Variants in WDR33 observed in about 807,000 individuals in gnomAD.
WDR33 encodes the protein pre-mRNA 3' end processing protein WDR33.
A neutral mutation model predicts 164.9 loss-of-function variants in WDR33; 47 were observed. The ratio of observed to expected loss-of-function variants is 0.29; its 90% CI spans 0.23 to 0.36. The LOEUF (loss-of-function observed/expected upper bound fraction) is 0.36, where lower values mean the gene tolerates loss of function less well. Ranked by LOEUF, WDR33 falls within the 10% of genes least tolerant of loss-of-function variation. The pLI is 1.00. For missense variants in WDR33, 1,137 were observed against 1,754.1 expected, an observed-to-expected ratio of 0.65 and a Z score of 6.28; for synonymous variants, 505 against 589.0, an observed-to-expected ratio of 0.86 and a Z score of 2.06.
chr2:127,749,661 C>CAA (rs1212240477), intron 7 of WDR33, among the ~76,000 whole-genome samples: 15 of 81,004 alleles, frequency 1.9e-4, no homozygotes, highest in African/African-American at 4.4e-4. Context: ...GACTCCACCT[C>CAA]AAAAAAAAAA....
intron 1 of WDR33, among the ~76,000 whole-genome samples, chr2:127,772,057 G>C (rs984241405): frequency 3.9e-5 from 6 of 151,962 alleles, no homozygotes; most frequent in African/African-American, 1.5e-4. Flanking sequence ...TCAGACTCTT[G>C]GGCTCAAGAG....
intron 8 of WDR33, among the ~76,000 whole-genome samples, chr2:127,725,735 AAATAATAAT>A (rs56352036): frequency 0.17 from 24,299 of 140,968 alleles, 2,178 homozygotes; most frequent in South Asian, 0.3. Context: ...CTCTGTCTCA[AAATAATAAT>A]AATAATAATA....
rs1046218278 is a variant in WDR33, at chr2:127,720,286, G to A, written c.1739C>T (p.Thr580Ile). ...EQIQPPPSSG[T>I]PLLGPQPFPG... The stretch of plus-strand genomic sequence containing the variant: ...AAAAGGCTGGGGTCCGAGGAGAGGG[G>A]TGCCAGATGAGGGAGGAGGCTGAAT... The change falls in exon 16 of 22, where the codon ACC becomes ATC. Residue 580 changes from threonine (T) to isoleucine (I), a missense_variant. Around this residue, in one of 9 missense-constraint regions of WDR33, gnomAD observed 867 missense variants for 1,073.0 expected, o/e 0.81. Coordinates refer to ENST00000322313, the MANE Select transcript of WDR33 (RefSeq NM_018383.5). This position sits in a 1 kb window ranked among gnomAD's most constrained non-coding sequence, Gnocchi z 5.9. 4 of 1,524,374 alleles carry A rather than the reference G, an allele frequency of 2.6e-6. No individual in the cohort carries two copies. In the African/African-American group the frequency reaches 5.6e-5, roughly 21 times the overall value. 94.4% of individuals were successfully genotyped at this position (1,524,374 alleles called of 1,614,324 possible).
rs556929386 is a variant in WDR33 at position 127,749,566 on chromosome 2, G to A, written c.724+13496C>T. Among the ~76,000 whole-genome samples, 3 of 151,378 alleles carry A rather than the reference G, an allele frequency of 2.0e-5. No individual in the cohort carries two copies. The East Asian group carries it at 5.9e-4, about 30-fold the overall frequency. ...ATTCCCAGCTATTCGGGAGGCTGAG[G>A]CAGGAGAATCACTTGAGCCAGGGAG... On this transcript the variant is annotated intron_variant, in intron 7 of 21. Coordinates refer to ENST00000322313, the MANE Select transcript of WDR33 (RefSeq NM_018383.5).
rs749288371 is a variant in WDR33 at position 127,726,631 on chromosome 2, G to C, written c.851+20C>G. 2.5e-6 allele frequency: 4 copies of C among 1,613,490 alleles called. No homozygotes were observed. Among genetic ancestry groups the C allele is most frequent in the Non-Finnish European group, 3.4e-6 (4 of 1,179,678 alleles). On this transcript the variant is annotated intron_variant, in intron 8 of 21. Transcript: ENST00000322313. This position sits in a 1 kb window ranked among gnomAD's most constrained non-coding sequence, Gnocchi z 4.8. ...TGCTCCCCTTTGTTCAGGGGCCAAGGTGGGGTTCCTGTCACTTACAGTGTT... is the reference window on the plus strand; with the variant it reads ...TGCTCCCCTTTGTTCAGGGGCCAAGCTGGGGTTCCTGTCACTTACAGTGTT...
At chr2:127,788,502 G>A (rs1489685157) in intron 1 of WDR33, among the ~76,000 whole-genome samples, 5 of 127,050 alleles carry the variant, frequency 3.9e-5, no homozygotes, top group African/African-American at 6.5e-5. Flanking sequence ...CCCGGACGGG[G>A]CGGCTGGCCG....
chr2:127,701,719 G>T lies in WDR33; in HGVS notation c.*4604C>A. Reference sequence around the variant, plus strand: ...AGCCCTGCGGAGTCGGCAGCGGCCGGCCTGACGTGCCTCCCGAGCGTGACG... The same window carrying T: ...AGCCCTGCGGAGTCGGCAGCGGCCGTCCTGACGTGCCTCCCGAGCGTGACG... On this transcript the variant is annotated 3_prime_UTR_variant, in exon 22 of 22. Transcript: ENST00000322313. 7.3e-7 allele frequency: 1 copy of T among 1,368,194 alleles called. No homozygotes were observed. The highest frequency in any genetic ancestry group is 9.4e-7 in the Non-Finnish European group (1 of 1,062,394). 84.8% of individuals were successfully genotyped at this position (1,368,194 alleles called of 1,614,324 possible).
Position 127,763,668 on chromosome 2 carries a change from G to A in WDR33, c.627-509C>T. Reference sequence around the variant, plus strand: ...TACAATGTTTCTCATCCATTTCAAAGGTCTGTAGAAAAGTTTCACATCTTC... The same window carrying A: ...TACAATGTTTCTCATCCATTTCAAAAGTCTGTAGAAAAGTTTCACATCTTC... On this transcript the variant is annotated intron_variant, in intron 6 of 21. Coordinates refer to ENST00000322313, the MANE Select transcript of WDR33 (RefSeq NM_018383.5). This position sits in a 1 kb window ranked among gnomAD's most constrained non-coding sequence, Gnocchi z 4.5. 1 of 985,884 alleles carries A rather than the reference G, an allele frequency of 1.0e-6. No individual in the cohort carries two copies. Among genetic ancestry groups the A allele is most frequent in the Non-Finnish European group, 1.2e-6 (1 of 830,318 alleles). 61.1% of individuals were successfully genotyped at this position (985,884 alleles called of 1,614,324 possible).
chr2:127,713,265 A>T lies in WDR33; in HGVS notation c.3308+318T>A, dbSNP rs1686222004. Among the ~76,000 whole-genome samples the T allele has an allele frequency of 6.6e-6, 1 of 152,198 alleles. No individual in the cohort carries two copies. Among genetic ancestry groups the T allele is most frequent in the African/African-American group, 2.4e-5 (1 of 41,450 alleles). On this transcript the variant is annotated intron_variant, in intron 18 of 21. Transcript: ENST00000322313. The surrounding 1 kb of genome is among the most constrained non-coding windows in gnomAD (Gnocchi z 6.2). ...TAGCTGCCTCATATTTCCTTATTCT[A>T]ATCAAGAAGAACCTGGAAATTTTAA...
intron 1 of WDR33, among the ~76,000 whole-genome samples, chr2:127,809,320 G>A (rs1010457456): frequency 6.7e-6 from 1 of 149,970 alleles, no homozygotes; most frequent in Non-Finnish European, 1.5e-5. Context: ...GGCAAAATCT[G>A]TTTAGTATTT....
chr2:127,723,141 T>C lies in WDR33; in HGVS notation c.1292-97A>G. 4.2e-6 allele frequency: 6 copies of C among 1,416,536 alleles called. No homozygotes were observed. Among genetic ancestry groups the C allele is most frequent in the Non-Finnish European group, 5.8e-6 (6 of 1,036,246 alleles). 87.7% of individuals were successfully genotyped at this position (1,416,536 alleles called of 1,614,324 possible). On this transcript the variant is annotated intron_variant, in intron 12 of 21. Transcript: ENST00000322313. This position sits in a 1 kb window ranked among gnomAD's most constrained non-coding sequence, Gnocchi z 5.9. ...AAAAATGAATGTCACTGATGATTTA[T>C]AAATAAATCTACTATAAAATTAAAA...
rs1451911159 is a variant in WDR33 at position 127,702,410 on chromosome 2, A to AT, written c.*3912dup. 3.3e-6 allele frequency: 1 copy of AT among 307,198 alleles called. No homozygotes were observed. The allele number at this position is 307,198 out of a possible 1,614,324, so 19.0% of individuals were successfully genotyped here. A position where few individuals can be genotyped will look rare whatever the true frequency, so the allele number is the denominator to read the frequency against. ...CTTGGCACACGCTCTGAAAACTGAG[A>AT]TTTTGTCATTGAACTGGTGACAGGA... On this transcript the variant is annotated 3_prime_UTR_variant, in exon 22 of 22. Coordinates refer to ENST00000322313, the MANE Select transcript of WDR33 (RefSeq NM_018383.5).
rs1465927451 is a variant in WDR33, at chr2:127,708,833, G to T, written c.3625C>A (p.His1209Asn). ...GAGCGTTCTCTGCTGGCTGGGGAAT[G>T]ACCGTCGTGAGGGGGATGATCAGGG... ...PRPDHPPHDG[H>N]SPASRERSSS... Residue 1209 changes from histidine to asparagine, a missense_variant, in exon 21 of 22, where the codon CAT (histidine) becomes AAT (asparagine). Around this residue, in one of 9 missense-constraint regions of WDR33, gnomAD observed 867 missense variants for 1,073.0 expected, o/e 0.81. Coordinates refer to ENST00000322313, the MANE Select transcript of WDR33 (RefSeq NM_018383.5). This position sits in a 1 kb window ranked among gnomAD's most constrained non-coding sequence, Gnocchi z 6.7. 2.5e-6 allele frequency: 4 copies of T among 1,611,860 alleles called. No individual in the cohort carries two copies. The African/African-American group carries it at 4.0e-5, about 16-fold the overall frequency.
chr2:127,805,068 C>CTTTTTTTTTTTTTTTTTTT (rs201681607), intron 1 of WDR33, among the ~76,000 whole-genome samples: 1 of 84,418 alleles, frequency 1.2e-5, no homozygotes, highest in Non-Finnish European at 2.2e-5. Flanking sequence ...GAAGTTTTTT[C>CTTTTTTTTTTTTTTTTTTT]TTTTTTTTTT....
At chr2:127,793,328 G>A (rs1688907665) in intron 1 of WDR33, among the ~76,000 whole-genome samples, 1 of 152,064 alleles carries the variant, frequency 6.6e-6, no homozygotes, top group African/African-American at 2.4e-5. Flanking sequence ...CTACTCGGGA[G>A]GCTAAGGCAG....
intron 7 of WDR33, among the ~76,000 whole-genome samples, chr2:127,754,991 C>T (rs557586272): frequency 2.0e-5 from 3 of 152,124 alleles, no homozygotes; most frequent in Non-Finnish European, 4.4e-5. Context: ...CTCCACCACT[C>T]TGAACATCTA....
chr2:127,710,902 C>T lies in WDR33; in HGVS notation c.3309-1046G>A, dbSNP rs78400615. On this transcript the variant is annotated intron_variant, in intron 18 of 21. Transcript: ENST00000322313. The surrounding 1 kb of genome is among the most constrained non-coding windows in gnomAD (Gnocchi z 4.4). ...TCCCAGATCCTCCACCCAGATCAAT[C>T]CCTTCTTAATATTTTGCCACACGTG... 2.4e-3 allele frequency among the ~76,000 whole-genome samples: 362 copies of T among 152,312 alleles called. 3 individuals carry two copies. Among genetic ancestry groups the T allele is most frequent in the South Asian group, 0.011 (53 of 4,828 alleles).
chr2:127,748,579 C>G (rs1157998018), intron 7 of WDR33, among the ~76,000 whole-genome samples: 1 of 152,128 alleles, frequency 6.6e-6, no homozygotes, highest in African/African-American at 2.4e-5. Context: ...GAAGCTTTTA[C>G]AGCCAAATTG....
chr2:127,803,947 C>CAAA (rs559652976), intron 1 of WDR33, among the ~76,000 whole-genome samples: 3 of 61,890 alleles, frequency 4.8e-5, no homozygotes, highest in Non-Finnish European at 6.7e-5. Context: ...GACCCAGTCT[C>CAAA]AAAAAAAAAA....
Sources: allele counts gnomAD v4.1 joint callset (sites outside exome capture counted in the v4.1 genomes callset), GRCh38; gene constraint gnomAD v4.1.1; regional missense constraint gnomAD v4.1.1; non-coding constraint Gnocchi (gnomAD v3.1); transcripts MANE v1.5; gene names NCBI Gene and HGNC (gene_info 2026-07-23, HGNC 2026-07-21).